The following STK35 variants were observed in gnomAD, a reference collection of about 807,000 sequenced individuals.
STK35 encodes the protein serine/threonine-protein kinase 35.
In STK35, 17 loss-of-function variants were observed where a neutral mutation model predicts 37.3. The ratio of observed to expected loss-of-function variants is 0.46; its 90% CI spans 0.31 to 0.68. The LOEUF is 0.68. Among genes scored for constraint, STK35 ranks in the 30% least tolerant of loss-of-function variants. The probability of loss-of-function intolerance (pLI) is 0.05; values close to 1 mark genes in which losing one functional copy is unlikely to be tolerated. For synonymous variants in STK35, 385 were observed against 319.1 expected (o/e 1.21, Z -2.20); for missense variants, 595 against 746.7 (o/e 0.80, Z 2.37).
chr20:2,142,548 G>C (rs1056027184), intron 3 of STK35, among the ~76,000 whole-genome samples: 62 of 152,310 alleles, frequency 4.1e-4, no homozygotes, highest in African/African-American at 1.5e-3. Flanking sequence ...TTGAGCCCAG[G>C]AGTTCAAGAC....
chr20:2,111,908 G>A (rs1462328508), intron 2 of STK35, among the ~76,000 whole-genome samples: 1 of 152,032 alleles, frequency 6.6e-6, no homozygotes, highest in Non-Finnish European at 1.5e-5. Flanking sequence ...AGGGCCTCTC[G>A]CAGTTATTCT....
intron 2 of STK35, among the ~76,000 whole-genome samples, chr20:2,108,077 C>A (rs1985550136): frequency 6.6e-6 from 1 of 152,192 alleles, no homozygotes; most frequent in South Asian, 2.1e-4. Context: ...GTAACCAAGT[C>A]AGGATTCAAG....
Position 2,146,012 on chromosome 20 carries a change from G to C in STK35, c.*2266G>C, listed in dbSNP as rs1986260142. On this transcript the variant is annotated 3_prime_UTR_variant, in exon 4 of 4. Transcript: ENST00000381482. ...ATTTTTCTTGCTATCAGAGTAGCAA[G>C]AAACAGCACCCCTGTAGGTGACAGG... is the stretch of plus-strand genomic sequence containing the variant. The C allele has an allele frequency of 1.3e-5, 2 of 152,178 alleles. No homozygotes were observed. The highest frequency in any genetic ancestry group is 6.5e-5 in the Admixed American group (1 of 15,282). The allele number at this position is 152,178 out of a possible 1,614,324, so 9.4% of individuals were successfully genotyped here. A position where few individuals can be genotyped will look rare whatever the true frequency, so the allele number is the denominator to read the frequency against.
At chr20:2,123,183 G>A (rs367822157) in intron 3 of STK35, among the ~76,000 whole-genome samples, 13 of 152,176 alleles carry the variant, frequency 8.5e-5, no homozygotes, top group Admixed American at 7.2e-4. Context: ...CTCGAATGAC[G>A]TCTTTTTGGA....
chr20:2,127,792 C>A (rs1367937372), intron 3 of STK35, among the ~76,000 whole-genome samples: 1 of 152,156 alleles, frequency 6.6e-6, no homozygotes, highest in Non-Finnish European at 1.5e-5. Flanking sequence ...GCCAGACTCG[C>A]TCCTGCTCTT....
intron 3 of STK35, among the ~76,000 whole-genome samples, chr20:2,127,075 G>A (rs1985918908): frequency 6.6e-6 from 1 of 152,108 alleles, no homozygotes; most frequent in Admixed American, 6.5e-5. Context: ...TGAACTCGGA[G>A]GCCTGGTAGT....
intron 3 of STK35, among the ~76,000 whole-genome samples, chr20:2,128,416 G>C (rs1985942575): frequency 6.6e-6 from 1 of 152,090 alleles, no homozygotes; most frequent in African/African-American, 2.4e-5. Flanking sequence ...CACTCCTCCA[G>C]AGAACCAAGG....
intron 2 of STK35, among the ~76,000 whole-genome samples, chr20:2,105,201 C>T (rs754176609): frequency 6.6e-6 from 1 of 151,428 alleles, no homozygotes; most frequent in Non-Finnish European, 1.5e-5. Context: ...TTTATCTTAC[C>T]TATATTCTAG....
chr20:2,127,762 A>G (rs1193729770), intron 3 of STK35, among the ~76,000 whole-genome samples: 1 of 152,090 alleles, frequency 6.6e-6, no homozygotes, highest in Non-Finnish European at 1.5e-5. Context: ...TGTAAGCAGG[A>G]CAACAGCCGT....
At chr20:2,105,030 G>T (rs1452168579) in intron 2 of STK35, among the ~76,000 whole-genome samples, 2 of 151,926 alleles carry the variant, frequency 1.3e-5, no homozygotes, top group African/African-American at 4.8e-5. Flanking sequence ...GATGGCACAG[G>T]CTTATAGTCC....
chr20:2,127,875 G>T (rs765580806), intron 3 of STK35, among the ~76,000 whole-genome samples: 2 of 152,190 alleles, frequency 1.3e-5, no homozygotes, highest in Non-Finnish European at 2.9e-5. Flanking sequence ...GAACCTGGGT[G>T]AAGTTTTAAC....
intron 3 of STK35, among the ~76,000 whole-genome samples, chr20:2,129,585 G>A (rs750473411): frequency 6.6e-6 from 1 of 152,092 alleles, no homozygotes; most frequent in Non-Finnish European, 1.5e-5. Context: ...GCACTGTAGT[G>A]GGTGCCTCTA....
intron 3 of STK35, among the ~76,000 whole-genome samples, chr20:2,134,260 C>A (rs1236249752): frequency 1.4e-3 from 172 of 119,022 alleles, no homozygotes; most frequent in African/African-American, 1.9e-3. Flanking sequence ...ACTCCGTCTC[C>A]AAAAAAAAAA....
chr20:2,105,048 T>C (rs1985487471), intron 2 of STK35, among the ~76,000 whole-genome samples: 2 of 151,778 alleles, frequency 1.3e-5, no homozygotes, highest in Admixed American at 6.6e-5. Flanking sequence ...TCCCAGCTAC[T>C]TGAGAGGCAG....
intron 3 of STK35, among the ~76,000 whole-genome samples, chr20:2,124,977 C>T (rs1002594837): frequency 7.9e-5 from 12 of 152,170 alleles, no homozygotes; most frequent in African/African-American, 1.7e-4. Context: ...GGGCCGATGG[C>T]CCCCCAGGGA....
At chr20:2,133,601 G>A (rs560514646) in intron 3 of STK35, among the ~76,000 whole-genome samples, 11 of 152,296 alleles carry the variant, frequency 7.2e-5, no homozygotes, top group South Asian at 6.2e-4. Context: ...CCAGAAAGAC[G>A]AGGTTTAAGT....
In STK35 at chr20:2,106,954, C is replaced by G. The variant is rs1293811680; in HGVS notation, c.892+3589C>G. On this transcript the variant is annotated intron_variant, in intron 2 of 3. Transcript: ENST00000381482. Reference sequence around the variant, plus strand: ...TATCCACAATGAGTTAGTGATAGCACTCAAACCAGCCTCCCAGGCTTTTTA... The same window carrying G: ...TATCCACAATGAGTTAGTGATAGCAGTCAAACCAGCCTCCCAGGCTTTTTA... 2.0e-5 allele frequency among the ~76,000 whole-genome samples: 3 copies of G among 152,206 alleles called. No homozygotes were observed. The South Asian group carries it at 6.2e-4, about 32-fold the overall frequency.
chr20:2,117,162 G>A lies in STK35; in HGVS notation c.1389G>A (p.Leu463=). Residue 463 remains leucine (L), a synonymous_variant, in exon 3 of 4, where the codon CTG becomes CTA. Coordinates refer to ENST00000381482, the MANE Select transcript of STK35 (RefSeq NM_080836.4). The surrounding 1 kb of genome is among the most constrained non-coding windows in gnomAD (Gnocchi z 4.4). ...FIDSETKKEL[L]GTYIKQGTEI... Reference sequence around the variant, plus strand: ...ACTCTGAGACCAAGAAGGAGCTCCTGGGGACCTACATTAAACAGGGGACTG... The same window carrying A: ...ACTCTGAGACCAAGAAGGAGCTCCTAGGGACCTACATTAAACAGGGGACTG... The A allele has an allele frequency of 6.2e-7, 1 of 1,614,062 alleles. No homozygotes were observed. The highest frequency in any genetic ancestry group is 8.5e-7 in the Non-Finnish European group (1 of 1,179,972).
chr20:2,103,130 A>G lies in STK35; in HGVS notation c.657A>G (p.Ala219=), dbSNP rs1331235478. 5 of 1,603,826 alleles carry G rather than the reference A, an allele frequency of 3.1e-6. No homozygotes were observed. The African/African-American group carries it at 4.0e-5, about 13-fold the overall frequency. The part of the protein sequence containing the change: ...GRGSYGVVYE[A]VAGRSGARVA... ...GCAGCTACGGCGTGGTTTATGAGGC[A>G]GTGGCCGGGCGCAGCGGGGCCCGGG... Residue 219 remains alanine (A), a synonymous_variant, in exon 2 of 4, where the codon GCA becomes GCG. Transcript: ENST00000381482.
Sources: gnomAD v4.1 joint callset for allele counts (sites outside exome capture counted in the v4.1 genomes callset) on GRCh38, gnomAD v4.1.1 for gene constraint, Gnocchi (gnomAD v3.1) non-coding constraint, MANE v1.5 for transcripts, NCBI Gene and HGNC (gene_info 2026-07-23, HGNC 2026-07-21) for gene names.